ZC3H11A: variants seen among roughly 807,000 people sequenced by gnomAD.
The protein encoded by ZC3H11A is zinc finger CCCH-type containing 11A, also known as zinc finger CCCH domain-containing protein 11A.
ZC3H11A carries 22 observed loss-of-function variants against 90.8 expected under a neutral mutation model. That is an observed-to-expected ratio of 0.24 (90% CI 0.17 to 0.35). The LOEUF (loss-of-function observed/expected upper bound fraction) is 0.35, where lower values mean the gene tolerates loss of function less well. ZC3H11A is among the 10% of genes least tolerant of loss of function. The pLI, the probability that ZC3H11A is intolerant of heterozygous loss-of-function variation, is 1.00. For missense variants in ZC3H11A, 701 were observed against 964.9 expected (o/e 0.73, Z 3.62); for synonymous variants, 294 against 339.8 (o/e 0.87, Z 1.48).
chr1:203,837,017 T>G (rs920847314), intron 10 of ZC3H11A, among the ~76,000 whole-genome samples: 1 of 152,136 alleles, frequency 6.6e-6, no homozygotes, highest in South Asian at 2.1e-4. Flanking sequence ...TTAAGATTTT[T>G]GGGGGGGCCT....
chr1:203,816,763 A>G (rs1284932285), intron 2 of ZC3H11A, among the ~76,000 whole-genome samples, 163 bp from the exon 3 acceptor site: 7 of 152,222 alleles, frequency 4.6e-5, no homozygotes, highest in Admixed American at 4.6e-4. Context: ...TACATTGTAG[A>G]TGGGAATGTA....
chr1:203,798,247 C>T lies in ZC3H11A; in HGVS notation c.-1588+2453C>T, dbSNP rs763715441. ...AAATCAGCATCTGATGCCCTAAGGGCAGAAAGAGGGAGATTTCTCATCAAA... is the reference window on the plus strand; with the variant it reads ...AAATCAGCATCTGATGCCCTAAGGGTAGAAAGAGGGAGATTTCTCATCAAA... On this transcript the variant is annotated intron_variant, in intron 1 of 17. Transcript: ENST00000367210. 157 of 1,536,072 alleles carry T rather than the reference C, an allele frequency of 1.0e-4. No homozygotes were observed. In the Middle Eastern group the frequency reaches 1.7e-3, roughly 16 times the overall value.
intron 1 of ZC3H11A, chr1:203,797,420 A>G: frequency 8.7e-7 from 1 of 1,149,426 alleles, no homozygotes; most frequent in South Asian, 1.9e-5. Context: ...TCCCCATAGA[A>G]ACTGGAGAAA....
chr1:203,842,701 T>A (rs1019024929), intron 12 of ZC3H11A, among the ~76,000 whole-genome samples: 3 of 151,256 alleles, frequency 2.0e-5, no homozygotes, highest in Non-Finnish European at 4.4e-5. Flanking sequence ...TGTATGAGAT[T>A]ATTCTAATTT....
At chr1:203,812,543 A>G (rs1674845147) in intron 2 of ZC3H11A, among the ~76,000 whole-genome samples, 1 of 141,832 alleles carries the variant, frequency 7.1e-6, no homozygotes, top group Non-Finnish European at 1.5e-5. Context: ...ACCAGCATTT[A>G]GTGCTTTCAG....
rs1001048837 is a variant in ZC3H11A, at chr1:203,795,692, G to A, written c.-1690G>A. On this transcript the variant is annotated 5_prime_UTR_variant, in exon 1 of 18. Transcript: ENST00000367210. ...TTGGTTTTCTGCTAGTGCTGCTGCT[G>A]CTGGGAGGACGACGGACGGCAGCGG... 1 of 152,254 alleles carries A rather than the reference G, an allele frequency of 6.6e-6. No homozygotes were observed. The highest frequency in any genetic ancestry group is 1.5e-5 in the Non-Finnish European group (1 of 68,058). The allele number at this position is 152,254 out of a possible 1,614,324, so 9.4% of individuals were successfully genotyped here.
rs902884305 is a variant in ZC3H11A at position 203,802,719 on chromosome 1, T to TC, written c.-443_-442insC. ...AGTTCATCTTTAAATGAACTCTTTT[T>TC]TTTTGTTTTTTTTTTGTTTTGTTTT... On this transcript the variant is annotated 5_prime_UTR_variant, in exon 2 of 18. The change abolishes the stop of an existing upstream ORF in the 5' untranslated region. Coordinates refer to ENST00000367210, the MANE Select transcript of ZC3H11A (RefSeq NM_001376342.1). 1.4e-5 allele frequency: 2 copies of TC among 143,192 alleles called. No homozygotes were observed. The highest frequency in any genetic ancestry group is 5.1e-5 in the African/African-American group (2 of 39,450). 8.9% of individuals were successfully genotyped at this position (143,192 alleles called of 1,614,324 possible).
chr1:203,850,915 C>A, intron 16 of ZC3H11A, 142 bp from the exon 17 acceptor site: 1 of 1,214,130 alleles, frequency 8.2e-7, no homozygotes, highest in Non-Finnish European at 1.2e-6. Context: ...TATTTATATA[C>A]TCAACCTTTA....
chr1:203,821,262 T>G (rs1358829757), intron 4 of ZC3H11A, among the ~76,000 whole-genome samples: 1 of 152,212 alleles, frequency 6.6e-6, no homozygotes, highest in Non-Finnish European at 1.5e-5. Context: ...GCCATAATTA[T>G]AAGTTTCCTG....
intron 3 of ZC3H11A, 141 bp from the exon 4 acceptor site, chr1:203,818,429 A>G: frequency 9.0e-7 from 1 of 1,117,300 alleles, no homozygotes; most frequent in Admixed American, 2.6e-5. Flanking sequence ...TGTTCCTGTC[A>G]TTCCATGTCC....
chr1:203,818,836 G>A, intron 4 of ZC3H11A, 147 bp downstream of exon 4: 1 of 1,258,820 alleles, frequency 7.9e-7, no homozygotes, highest in Non-Finnish European at 1.1e-6. Flanking sequence ...TTGGGAGGCT[G>A]AGGCGGGTAG....
In ZC3H11A at chr1:203,813,275, C is replaced by G. The variant is rs186171347; in HGVS notation, c.-145-3651C>G. ...AGGCTGGAGTGCAGTGGTGTGATCT[C>G]AGCTCACTGCAACCTCCGCCTCCCA... On this transcript the variant is annotated intron_variant, in intron 2 of 17. Coordinates refer to ENST00000367210, the MANE Select transcript of ZC3H11A (RefSeq NM_001376342.1). Among the ~76,000 whole-genome samples, 15 of 151,810 alleles carry G rather than the reference C, an allele frequency of 9.9e-5. No individual in the cohort carries two copies. In the East Asian group the frequency reaches 2.9e-3, roughly 29 times the overall value.
At chr1:203,847,049 C>A (rs1688106340) in intron 12 of ZC3H11A, 135 bp from the exon 13 acceptor site, 3 of 912,530 alleles carry the variant, frequency 3.3e-6, no homozygotes, top group Non-Finnish European at 1.7e-6. Context: ...ATAAATGTTA[C>A]CCTTTTGATC....
Position 203,842,456 on chromosome 1 carries a change from A to G in ZC3H11A, c.1042+2082A>G, listed in dbSNP as rs572730767. On this transcript the variant is annotated intron_variant, in intron 12 of 17. Coordinates refer to ENST00000367210, the MANE Select transcript of ZC3H11A (RefSeq NM_001376342.1). ...CACCAAAACATGCAAACACCAGTCA[A>G]GTGTGGCGGCGCGCGCCTGCAATCC... 5.9e-5 allele frequency among the ~76,000 whole-genome samples: 9 copies of G among 152,060 alleles called. No homozygotes were observed. In the East Asian group the frequency reaches 1.7e-3, roughly 30 times the overall value.
intron 2 of ZC3H11A, among the ~76,000 whole-genome samples, chr1:203,807,320 CTT>C (rs1368871222): frequency 6.6e-6 from 1 of 152,156 alleles, no homozygotes; most frequent in African/African-American, 2.4e-5. Flanking sequence ...GTGTCTTGCT[CTT>C]TTGCCCAGGT....
chr1:203,846,431 C>T lies in ZC3H11A; in HGVS notation c.1043-753C>T, dbSNP rs57994576. Among the ~76,000 whole-genome samples the T allele has an allele frequency of 1.8e-3, 281 of 152,202 alleles. 7 individuals carry two copies. In the East Asian group the frequency reaches 0.043, roughly 23 times the overall value. ...TTCTTCTATCTTGTCACCTGTTTTA[C>T]CTTCTTTTTATCCTTTAAATTTAAT... On this transcript the variant is annotated intron_variant, in intron 12 of 17. Coordinates refer to ENST00000367210, the MANE Select transcript of ZC3H11A (RefSeq NM_001376342.1).
chr1:203,831,104 C>T (rs1212237702), intron 8 of ZC3H11A, among the ~76,000 whole-genome samples: 1 of 151,788 alleles, frequency 6.6e-6, no homozygotes, highest in Non-Finnish European at 1.5e-5. Flanking sequence ...GCCACCACGC[C>T]TGGGTAATTT....
chr1:203,832,086 T>G (rs944788188), intron 9 of ZC3H11A, among the ~76,000 whole-genome samples: 2 of 152,216 alleles, frequency 1.3e-5, no homozygotes, highest in Admixed American at 6.5e-5. Flanking sequence ...GAGACAGAGT[T>G]GCACTCCTGT....
intron 1 of ZC3H11A, chr1:203,798,707 GGA>G (rs989086525): frequency 1.3e-6 from 2 of 1,536,028 alleles, no homozygotes; most frequent in Non-Finnish European, 1.7e-6. Context: ...TGCGTGCGCA[GGA>G]GAGAGAAACA....
Sources: gnomAD v4.1 joint callset for allele counts (sites outside exome capture counted in the v4.1 genomes callset) on GRCh38, gnomAD v4.1.1 for gene constraint, MANE v1.5 for transcripts, NCBI Gene and HGNC (gene_info 2026-07-23, HGNC 2026-07-21) for gene names.